The following SATB1 variants were observed in gnomAD, a reference collection of about 807,000 sequenced individuals.
SATB1 encodes DNA-binding protein SATB1.
A neutral mutation model predicts 86.9 loss-of-function variants in SATB1; 11 were observed. The observed-to-expected ratio is 0.13, with a 90% CI of 0.08 to 0.21. The LOEUF (loss-of-function observed/expected upper bound fraction) is 0.21. SATB1 is among the 10% of genes least tolerant of loss of function. SATB1 has a pLI of 1.00. For missense variants in SATB1, 551 were observed against 937.6 expected (o/e 0.59, Z 5.39); for synonymous variants, 357 against 357.2 (o/e 1.00, Z 0.01).
intron 5 of SATB1, among the ~76,000 whole-genome samples, chr3:18,412,780 C>T (rs748747832): frequency 8.6e-5 from 13 of 152,014 alleles, no homozygotes; most frequent in Admixed American, 2.6e-4. Flanking sequence ...TTGCATCTCT[C>T]ATTTTAATAA....
intron 7 of SATB1, among the ~76,000 whole-genome samples, chr3:18,391,809 T>C (rs1696690617): frequency 6.6e-6 from 1 of 152,090 alleles, no homozygotes; most frequent in South Asian, 2.1e-4. Flanking sequence ...TTGAAATGCA[T>C]ACACTTTGAA....
At chr3:18,434,630 G>C (rs1699000323) in intron 2 of SATB1, among the ~76,000 whole-genome samples, 1 of 151,934 alleles carries the variant, frequency 6.6e-6, no homozygotes, top group South Asian at 2.1e-4. Flanking sequence ...TTTGGGTCTT[G>C]CTTCTTACTC....
chr3:18,346,673 A>G lies in SATB1; in HGVS notation c.*2497T>C, dbSNP rs1694073895. The G allele has an allele frequency of 6.6e-6, 1 of 152,094 alleles. No individual in the cohort carries two copies. Among genetic ancestry groups the G allele is most frequent in the African/African-American group, 2.4e-5 (1 of 41,422 alleles). The allele number at this position is 152,094 out of a possible 1,614,324, so 9.4% of individuals were successfully genotyped here. ...TGACTTTTAAAAGTTAAAAAATCTA[A>G]GTGGGAATTTTGTTAGCATTGTTAT... On this transcript the variant is annotated 3_prime_UTR_variant, in exon 11 of 11. Transcript: ENST00000338745.
At chr3:18,395,730 T>C (rs1296823942) in intron 6 of SATB1, among the ~76,000 whole-genome samples, 1 of 152,162 alleles carries the variant, frequency 6.6e-6, no homozygotes, top group Non-Finnish European at 1.5e-5. Flanking sequence ...TCTGGTACAA[T>C]GGTGAGGCTG....
At chr3:18,436,610 C>A (rs557427814) in intron 2 of SATB1, among the ~76,000 whole-genome samples, 85 of 151,910 alleles carry the variant, frequency 5.6e-4, no homozygotes, top group Middle Eastern at 3.4e-3. Context: ...AAAGAAAATT[C>A]TCTTTGCCAA....
At chr3:18,442,157 T>C (rs1699259363), upstream of SATB1, among the ~76,000 whole-genome samples, 1 of 152,156 alleles carries the variant, frequency 6.6e-6, no homozygotes, top group African/African-American at 2.4e-5. Flanking sequence ...TTAGGTCTTC[T>C]TTCTCTATCT....
intron 9 of SATB1, among the ~76,000 whole-genome samples, chr3:18,360,822 C>T (rs917021184): frequency 3.3e-5 from 5 of 152,010 alleles, no homozygotes. Flanking sequence ...TGTCTCCAAG[C>T]ACATTTGGGA....
rs755939843 is a variant in SATB1, at chr3:18,417,008, C to T, written c.282G>A (p.Glu94=). 1.2e-6 allele frequency: 2 copies of T among 1,613,674 alleles called. No homozygotes were observed. Among genetic ancestry groups the T allele is most frequent in the South Asian group, 1.1e-5 (1 of 91,068 alleles). Residue 94 remains glutamate, a synonymous_variant, in exon 3 of 11, where the codon GAG becomes GAA. Coordinates refer to ENST00000338745, the MANE Select transcript of SATB1 (RefSeq NM_002971.6). ...TTCTCACCAGCACAAATTCTGCATG[C>T]TCCTCCTTGCAATCATATTCAATGG... ...ENAIEYDCKE[E]HAEFVLVRKD... is the part of the protein sequence containing the mutation.
At chr3:18,407,866 C>G (rs528801365) in intron 5 of SATB1, among the ~76,000 whole-genome samples, 2 of 151,980 alleles carry the variant, frequency 1.3e-5, no homozygotes, top group Non-Finnish European at 2.9e-5. Context: ...AGTTTCAATA[C>G]AGAGAAGAGT....
upstream of SATB1, among the ~76,000 whole-genome samples, chr3:18,425,855 CG>C (rs1698678060): frequency 2.1e-4 from 1 of 4,832 alleles, no homozygotes; most frequent in Non-Finnish European, 3.9e-4. Flanking sequence ...GCACGGGGGG[CG>C]GGGGGAAGGA....
At chr3:18,380,011 G>T (rs1434138668) in intron 8 of SATB1, among the ~76,000 whole-genome samples, 1 of 152,190 alleles carries the variant, frequency 6.6e-6, no homozygotes, top group African/African-American at 2.4e-5. Flanking sequence ...TTAAGAGCCA[G>T]AAGAGTTAAC....
intron 2 of SATB1, among the ~76,000 whole-genome samples, chr3:18,430,587 A>G (rs1244474364): frequency 6.6e-6 from 1 of 152,224 alleles, no homozygotes. Flanking sequence ...GCATTAATGT[A>G]GATACCTACT....
chr3:18,366,638 A>T (rs142494721), intron 9 of SATB1, among the ~76,000 whole-genome samples: 16 of 152,190 alleles, frequency 1.1e-4, no homozygotes, highest in Admixed American at 2.6e-4. Flanking sequence ...AATTCGGCTC[A>T]TCTCATACTC....
At chr3:18,393,369 A>G (rs924725707) in intron 7 of SATB1, among the ~76,000 whole-genome samples, 13 of 152,196 alleles carry the variant, frequency 8.5e-5, no homozygotes, top group South Asian at 2.1e-4. Context: ...GTTTTAGTGT[A>G]CCTGGGCCAA....
At chr3:18,387,605 C>G (rs1004023399) in intron 7 of SATB1, among the ~76,000 whole-genome samples, 3 of 152,038 alleles carry the variant, frequency 2.0e-5, no homozygotes, top group Non-Finnish European at 4.4e-5. Context: ...ATTTTCTGTT[C>G]ATTTTATAAG....
Position 18,349,752 on chromosome 3 carries a change from G to A in SATB1, c.1780-70C>T. ...TTCCACACAAAGCCGTCTCCAATCA[G>A]GAAAAATGTGGTCCCGGATCCTACA... On this transcript the variant is annotated intron_variant, in intron 10 of 10. Coordinates refer to ENST00000338745, the MANE Select transcript of SATB1 (RefSeq NM_002971.6). The surrounding 1 kb of genome is among the most constrained non-coding windows in gnomAD (Gnocchi z 5.5). The A allele has an allele frequency of 6.6e-7, 1 of 1,509,926 alleles. No homozygotes were observed. Among genetic ancestry groups the A allele is most frequent in the South Asian group, 1.3e-5 (1 of 79,468 alleles). The allele number at this position is 1,509,926 out of a possible 1,614,324, so 93.5% of individuals were successfully genotyped here.
chr3:18,417,772 G>A (rs921575150), intron 2 of SATB1: 26 of 656,602 alleles, frequency 4.0e-5, no homozygotes, highest in East Asian at 1.9e-4. Flanking sequence ...AAGAGAGCAC[G>A]GTACCCATAA....
chr3:18,404,099 C>A (rs181720978), intron 5 of SATB1, among the ~76,000 whole-genome samples: 1 of 151,968 alleles, frequency 6.6e-6, no homozygotes, highest in African/African-American at 2.4e-5. Flanking sequence ...TAAGAGGCAT[C>A]GTATGAGATA....
rs753457108 is a variant in SATB1 at position 18,394,737 on chromosome 3, G to GTGT, written c.928_930dup (p.Thr310dup). On this transcript the variant is annotated inframe_insertion, in exon 7 of 11. Transcript: ENST00000338745. The surrounding 1 kb of genome is among the most constrained non-coding windows in gnomAD (Gnocchi z 5.9). ...TGGTTGACCAATTGAGGACTGATAG[G>GTGT]TGTTGATACGAGCCCAGGGTGCAGG... The GTGT allele has an allele frequency of 5.0e-6, 8 of 1,614,030 alleles. No homozygotes were observed. In the South Asian group the frequency reaches 8.8e-5, roughly 18 times the overall value.
Sources: gnomAD v4.1 joint callset for allele counts (sites outside exome capture counted in the v4.1 genomes callset) on GRCh38, gnomAD v4.1.1 for gene constraint, Gnocchi (gnomAD v3.1) non-coding constraint, MANE v1.5 for transcripts, NCBI Gene and HGNC (gene_info 2026-07-23, HGNC 2026-07-21) for gene names.